The following FAM135B variants were observed in gnomAD, a reference collection of about 807,000 sequenced individuals.
The protein encoded by FAM135B is protein FAM135B.
Under a neutral mutation model 127.7 loss-of-function variants are expected in FAM135B, and 43 were observed. That is an observed-to-expected ratio of 0.34 (90% CI 0.26 to 0.43). FAM135B has a LOEUF of 0.43. Ranked by LOEUF, FAM135B falls within the 20% of genes least tolerant of loss-of-function variation. FAM135B has a pLI of 1.00. For synonymous variants in FAM135B, 670 were observed against 665.1 expected (o/e 1.01, Z -0.11); for missense variants, 1,558 against 1,725.6 (o/e 0.90, Z 1.72).
rs11984690 is a variant in FAM135B at position 138,294,281 on chromosome 8, G to A, written c.157+16560C>T. On this transcript the variant is annotated intron_variant, in intron 3 of 19. Coordinates refer to ENST00000395297, the MANE Select transcript of FAM135B (RefSeq NM_015912.4). ...GGGGGTGAAAGATAAAAAATTGCACGCTGGGTACCATGTACAATACTTGGG... is the reference window on the plus strand; with the variant it reads ...GGGGGTGAAAGATAAAAAATTGCACACTGGGTACCATGTACAATACTTGGG... Among the ~76,000 whole-genome samples the A allele has an allele frequency of 8.9e-3, 1,358 of 152,016 alleles. 23 individuals are homozygous for A. The highest frequency in any genetic ancestry group is 0.031 in the African/African-American group (1,274 of 41,460).
intron 9 of FAM135B, among the ~76,000 whole-genome samples, chr8:138,193,853 C>A (rs1816367102): frequency 6.6e-6 from 1 of 152,174 alleles, no homozygotes; most frequent in South Asian, 2.1e-4. Context: ...GTCTCAGGTC[C>A]CACAGCTGCT....
intron 12 of FAM135B, among the ~76,000 whole-genome samples, chr8:138,157,713 T>C (rs1015078423): frequency 6.6e-6 from 1 of 152,110 alleles, no homozygotes; most frequent in Non-Finnish European, 1.5e-5. Context: ...TCAAAGAGAA[T>C]AAAATACTTA....
intron 4 of FAM135B, among the ~76,000 whole-genome samples, chr8:138,259,638 C>T (rs1407080968): frequency 3.3e-5 from 5 of 152,168 alleles, no homozygotes; most frequent in Non-Finnish European, 5.9e-5. Context: ...TGGTCACAAA[C>T]ACAGACTTTG....
At chr8:138,158,042 C>A (rs1209883684) in intron 12 of FAM135B, among the ~76,000 whole-genome samples, 1 of 152,194 alleles carries the variant, frequency 6.6e-6, no homozygotes, top group African/African-American at 2.4e-5. Context: ...TACCTGACTT[C>A]AAGCTATAGT....
At chr8:138,485,756 A>T (rs762871454) in intron 1 of FAM135B, among the ~76,000 whole-genome samples, 4 of 152,126 alleles carry the variant, frequency 2.6e-5, no homozygotes, top group Non-Finnish European at 5.9e-5. Context: ...AGGGCTAAAG[A>T]ACTGAGGGAA....
rs138370336 is a variant in FAM135B at position 138,151,941 on chromosome 8, A to G, written c.2534T>C (p.Ile845Thr). 40 of 1,613,994 alleles carry G rather than the reference A, an allele frequency of 2.5e-5. No individual in the cohort carries two copies. In the African/African-American group the frequency reaches 2.9e-4, roughly 12 times the overall value. The change falls in exon 13 of 20, where the codon ATA (isoleucine) becomes ACA (threonine). Residue 845 changes from isoleucine to threonine, a missense_variant. Ile to Thr is a moderately conservative substitution (Grantham distance 89). Around this residue, in one of 5 missense-constraint regions of FAM135B, gnomAD observed 923 missense variants for 865.3 expected, o/e 1.07. Coordinates refer to ENST00000395297, the MANE Select transcript of FAM135B (RefSeq NM_015912.4). ...DADNQQGPGY[I>T]DIPKGKGKQF... is the part of the protein sequence containing the mutation. ...CTTCCCTTTCCCTTTGGGGATGTCTATGTATCCGGGGCCCTGCTGGTTGTC... is the reference window on the plus strand; with the variant it reads ...CTTCCCTTTCCCTTTGGGGATGTCTGTGTATCCGGGGCCCTGCTGGTTGTC...
rs1818214273 is a variant in FAM135B, at chr8:138,152,083, G to A, written c.2392C>T (p.Pro798Ser). 1 of 1,613,870 alleles carries A rather than the reference G, an allele frequency of 6.2e-7. No individual in the cohort carries two copies. The highest frequency in any genetic ancestry group is 2.2e-5 in the East Asian group (1 of 44,834). ...TGGCTCTTGCTGTGCATATCTGAAG[G>A]TTCAGCAAAACCTCCATCTTGCTGC... ...TKQQDGGFAE[P>S]SDMHSKSQGS... is the part of the protein sequence containing the mutation. The change falls in exon 13 of 20, where the codon CCT becomes TCT. Residue 798 changes from proline to serine, a missense_variant. Physicochemically the swap from Pro to Ser is moderately conservative, Grantham distance 74. Around this residue, in one of 5 missense-constraint regions of FAM135B, gnomAD observed 923 missense variants for 865.3 expected, o/e 1.07. Coordinates refer to ENST00000395297, the MANE Select transcript of FAM135B (RefSeq NM_015912.4).
intron 3 of FAM135B, among the ~76,000 whole-genome samples, chr8:138,277,655 A>G (rs890574688): frequency 2.8e-4 from 42 of 152,166 alleles, no homozygotes; most frequent in African/African-American, 1.4e-4. Context: ...TGGTGCTGAC[A>G]CTTCAGGGAG....
chr8:138,245,550 C>T (rs1035643292), intron 6 of FAM135B, among the ~76,000 whole-genome samples: 4 of 152,176 alleles, frequency 2.6e-5, no homozygotes, highest in Non-Finnish European at 5.9e-5. Flanking sequence ...GCCTCCCCTT[C>T]CACCATGATT....
At chr8:138,231,808 G>C (rs1418485765) in intron 7 of FAM135B, among the ~76,000 whole-genome samples, 1 of 152,170 alleles carries the variant, frequency 6.6e-6, no homozygotes, top group Non-Finnish European at 1.5e-5. Flanking sequence ...CCAGCCGAGA[G>C]CCAAACATAA....
At chr8:138,295,824 G>C (rs145583315) in intron 3 of FAM135B, among the ~76,000 whole-genome samples, 123 of 152,286 alleles carry the variant, frequency 8.1e-4, no homozygotes, top group African/African-American at 2.8e-3. Flanking sequence ...AAGATAAAAG[G>C]CTTTGTGTAA....
intron 2 of FAM135B, among the ~76,000 whole-genome samples, chr8:138,320,261 G>A (rs960555264): frequency 2.0e-5 from 3 of 152,158 alleles, no homozygotes; most frequent in South Asian, 4.1e-4. Flanking sequence ...CCAACAGATG[G>A]GAATAAATAT....
At chr8:138,358,125 A>G (rs910893962) in intron 2 of FAM135B, among the ~76,000 whole-genome samples, 2 of 152,120 alleles carry the variant, frequency 1.3e-5, no homozygotes, top group Non-Finnish European at 2.9e-5. Context: ...AGCTCTCATG[A>G]AACTTATTCA....
intron 9 of FAM135B, among the ~76,000 whole-genome samples, chr8:138,181,946 A>G (rs574084945): frequency 4.5e-4 from 68 of 152,136 alleles, no homozygotes; most frequent in Admixed American, 4.4e-3. Flanking sequence ...GCCCCAGCAC[A>G]ACAGCTGATA....
Position 138,152,318 on chromosome 8 carries a change from T to C in FAM135B, c.2157A>G (p.Arg719=), listed in dbSNP as rs768526009. The C allele has an allele frequency of 1.9e-6, 3 of 1,614,024 alleles. No homozygotes were observed. The African/African-American group carries it at 4.0e-5, about 22-fold the overall frequency. ...GGGAGTTCCGGTGGAGGGCATGTCT[T>C]CGAACAAACGGGTGCAAGACTTCCC... ...SDREVLHPFV[R]RHALHRNSLE... The change falls in exon 13 of 20, where the codon CGA becomes CGG. Residue 719 remains arginine (R), a synonymous_variant. Coordinates refer to ENST00000395297, the MANE Select transcript of FAM135B (RefSeq NM_015912.4).
chr8:138,354,090 T>C (rs190053537), intron 2 of FAM135B, among the ~76,000 whole-genome samples: 5 of 152,236 alleles, frequency 3.3e-5, no homozygotes, highest in African/African-American at 1.2e-4. Context: ...CCTTCTGAGC[T>C]ACCTTCACCT....
intron 1 of FAM135B, among the ~76,000 whole-genome samples, chr8:138,474,427 A>G (rs1012076069): frequency 2.0e-5 from 3 of 152,182 alleles, no homozygotes; most frequent in African/African-American, 7.2e-5. Flanking sequence ...TTCAGTATAG[A>G]CACCAGCACA....
At chr8:138,387,139 T>G (rs1433661863) in intron 1 of FAM135B, among the ~76,000 whole-genome samples, 1 of 152,150 alleles carries the variant, frequency 6.6e-6, no homozygotes, top group Non-Finnish European at 1.5e-5. Flanking sequence ...TAAGGAAAAA[T>G]GGCAAACAGT....
intron 1 of FAM135B, among the ~76,000 whole-genome samples, chr8:138,399,385 TAGAG>T (rs1364321820): frequency 6.6e-6 from 1 of 152,186 alleles, no homozygotes; most frequent in African/African-American, 2.4e-5. Flanking sequence ...CAATCTAGAA[TAGAG>T]AGTGAGCTCT....
Sources: allele counts gnomAD v4.1 joint callset (sites outside exome capture counted in the v4.1 genomes callset), GRCh38; gene constraint gnomAD v4.1.1; regional missense constraint gnomAD v4.1.1; transcripts MANE v1.5; gene names NCBI Gene and HGNC (gene_info 2026-07-23, HGNC 2026-07-21).